The following ANKS1B variants were observed in gnomAD, a reference collection of about 807,000 sequenced individuals.
ANKS1B encodes the protein ankyrin repeat and sterile alpha motif domain containing 1B, also known as ankyrin repeat and sterile alpha motif domain-containing protein 1B.
Under a neutral mutation model 148.3 loss-of-function variants are expected in ANKS1B, and 36 were observed. The ratio of observed to expected loss-of-function variants is 0.24; its 90% CI spans 0.19 to 0.32. The LOEUF (loss-of-function observed/expected upper bound fraction) is 0.32, where lower values mean the gene tolerates loss of function less well. ANKS1B is among the 10% of genes least tolerant of loss of function. ANKS1B has a pLI of 1.00. For synonymous variants in ANKS1B, 542 were observed against 560.8 expected (o/e 0.97, Z 0.47); for missense variants, 1,157 against 1,542.6 (o/e 0.75, Z 4.19).
chr12:99,258,157 G>T (rs1352974727), intron 12 of ANKS1B, among the ~76,000 whole-genome samples: 1 of 152,134 alleles, frequency 6.6e-6, no homozygotes, highest in East Asian at 1.9e-4. Flanking sequence ...CTCTTTAAAT[G>T]ATTTGTACCC....
chr12:99,944,165 C>T (rs577723862), intron 1 of ANKS1B, among the ~76,000 whole-genome samples: 1 of 152,288 alleles, frequency 6.6e-6, no homozygotes, highest in East Asian at 1.9e-4. Flanking sequence ...CCAAATTTAC[C>T]CCATCTTCAT....
intron 4 of ANKS1B, among the ~76,000 whole-genome samples, chr12:99,803,873 T>A (rs1464232699): frequency 6.6e-6 from 1 of 152,210 alleles, no homozygotes; most frequent in African/African-American, 2.4e-5. Flanking sequence ...CACCCGTAGA[T>A]CCACAGCTCT....
At chr12:99,039,365 C>T (rs1358911179) in intron 17 of ANKS1B, among the ~76,000 whole-genome samples, 1 of 152,210 alleles carries the variant, frequency 6.6e-6, no homozygotes, top group Non-Finnish European at 1.5e-5. Context: ...GTCTTTCTTT[C>T]CCATTCCTCC....
chr12:99,509,571 C>T (rs548852693), intron 9 of ANKS1B, among the ~76,000 whole-genome samples: 1 of 151,950 alleles, frequency 6.6e-6, no homozygotes, highest in Admixed American at 6.6e-5. Context: ...TCAATGAAGG[C>T]TGCCAGAGGT....
chr12:98,870,060 T>C (rs573468927), intron 17 of ANKS1B, among the ~76,000 whole-genome samples: 1 of 152,276 alleles, frequency 6.6e-6, no homozygotes, highest in South Asian at 2.1e-4. Flanking sequence ...ACTAGCAGGT[T>C]TGGGAGAGCC....
chr12:99,963,967 T>A (rs1046763221), intron 1 of ANKS1B, among the ~76,000 whole-genome samples: 1 of 152,202 alleles, frequency 6.6e-6, no homozygotes, highest in African/African-American at 2.4e-5. Flanking sequence ...CTTTTATAAC[T>A]CTTTTTCGGC....
chr12:99,514,110 T>A (rs1319510100), intron 9 of ANKS1B, among the ~76,000 whole-genome samples: 1 of 152,062 alleles, frequency 6.6e-6, no homozygotes, highest in East Asian at 1.9e-4. Context: ...AGTAATAAGT[T>A]TAAACGTAAT....
rs149400907 is a variant in ANKS1B, at chr12:99,318,031, G to A, written c.1757-71167C>T. Among the ~76,000 whole-genome samples, 321 of 152,282 alleles carry A rather than the reference G, an allele frequency of 2.1e-3. 3 individuals carry two copies. Among genetic ancestry groups the A allele is most frequent in the Admixed American group, 0.012 (182 of 15,290 alleles). ...GGATGAAGCCCACTTGATCGTGGTG[G>A]ATAAGATTTTTGATGTGCTGCTGGA... On this transcript the variant is annotated intron_variant, in intron 12 of 26. Transcript: ENST00000683438.
intron 12 of ANKS1B, among the ~76,000 whole-genome samples, chr12:99,369,956 A>G (rs1437463288): frequency 6.6e-6 from 1 of 152,156 alleles, no homozygotes; most frequent in Non-Finnish European, 1.5e-5. Context: ...CGTTAATTAC[A>G]CTGTTCTTTC....
At chr12:99,632,072 G>A (rs1369696807) in intron 9 of ANKS1B, among the ~76,000 whole-genome samples, 1 of 152,128 alleles carries the variant, frequency 6.6e-6, no homozygotes, top group Non-Finnish European at 1.5e-5. Flanking sequence ...CAGGCCTGGG[G>A]TGCTCATTGC....
At chr12:99,653,927 G>A (rs1320054228) in intron 9 of ANKS1B, among the ~76,000 whole-genome samples, 1 of 152,022 alleles carries the variant, frequency 6.6e-6, no homozygotes, top group Non-Finnish European at 1.5e-5. Flanking sequence ...GCCTCCCACA[G>A]TGCTGAGATT....
chr12:98,823,624 T>C (rs923604509), intron 19 of ANKS1B, among the ~76,000 whole-genome samples: 3 of 152,226 alleles, frequency 2.0e-5, no homozygotes, highest in Non-Finnish European at 4.4e-5. Context: ...CTGTCTCAGC[T>C]GGGACTACAG....
intron 9 of ANKS1B, among the ~76,000 whole-genome samples, chr12:99,650,974 C>T (rs1305225522): frequency 1.3e-5 from 2 of 152,160 alleles, no homozygotes; most frequent in African/African-American, 2.4e-5. Context: ...ATGATTCTGA[C>T]AAGCACTGTG....
rs139955936 is a variant in ANKS1B, at chr12:99,684,995, A to T, written c.1129-29785T>A. Among the ~76,000 whole-genome samples, 200 of 152,216 alleles carry T rather than the reference A, an allele frequency of 1.3e-3. 1 individual carries two copies. The highest frequency in any genetic ancestry group is 4.7e-3 in the African/African-American group (194 of 41,540). On this transcript the variant is annotated intron_variant, in intron 8 of 26. Coordinates refer to ENST00000683438, the MANE Select transcript of ANKS1B (RefSeq NM_001352186.2). ...AATTCTAGAAGATAATACTGGAAAA[A>T]CCCTTCCAGAAATTGGCTTAGGCAA... is the stretch of plus-strand genomic sequence containing the variant.
intron 8 of ANKS1B, among the ~76,000 whole-genome samples, chr12:99,736,281 C>T (rs777878271): frequency 4.0e-5 from 6 of 151,858 alleles, no homozygotes; most frequent in Non-Finnish European, 7.4e-5. Flanking sequence ...AAAGAAAAGG[C>T]GTCCAAACTG....
chr12:99,718,848 G>A (rs2057748374), intron 8 of ANKS1B, among the ~76,000 whole-genome samples: 1 of 152,052 alleles, frequency 6.6e-6, no homozygotes, highest in African/African-American at 2.4e-5. Context: ...AAATTACCTG[G>A]GCTGTACTGC....
intron 12 of ANKS1B, among the ~76,000 whole-genome samples, chr12:99,313,246 A>G (rs1441943872): frequency 1.3e-5 from 2 of 152,190 alleles, no homozygotes; most frequent in Non-Finnish European, 2.9e-5. Flanking sequence ...GAATAGACCA[A>G]TAACAGTTTG....
chr12:99,867,462 C>A (rs934836489), intron 1 of ANKS1B, among the ~76,000 whole-genome samples: 2 of 152,168 alleles, frequency 1.3e-5, no homozygotes, highest in Non-Finnish European at 2.9e-5. Flanking sequence ...CACAGCTCCA[C>A]GTGGCTAGGA....
chr12:99,833,244 A>T (rs747376109), intron 1 of ANKS1B, among the ~76,000 whole-genome samples: 5 of 152,218 alleles, frequency 3.3e-5, no homozygotes, highest in Non-Finnish European at 7.4e-5. Flanking sequence ...CTTGGATTTT[A>T]TTCTGCAGCA....
Sources: allele counts gnomAD v4.1 joint callset (sites outside exome capture counted in the v4.1 genomes callset), GRCh38; gene constraint gnomAD v4.1.1; transcripts MANE v1.5; gene names NCBI Gene and HGNC (gene_info 2026-07-23, HGNC 2026-07-21).